KLF12: variants seen among roughly 807,000 people sequenced by gnomAD.
KLF12 encodes the protein Krueppel-like factor 12.
Under a neutral mutation model 37.8 loss-of-function variants are expected in KLF12, and 9 were observed. That is an observed-to-expected ratio of 0.24 (90% CI 0.14 to 0.42). The LOEUF is 0.42. Ranked by LOEUF, KLF12 falls within the 10% of genes least tolerant of loss-of-function variation. The pLI is 1.00. For synonymous variants in KLF12, 208 were observed against 202.1 expected (o/e 1.03, Z -0.25); for missense variants, 411 against 516.0 (o/e 0.80, Z 1.97).
the KLF12 span, among the ~76,000 whole-genome samples, chr13:74,146,687 T>C: frequency 6.6e-6 from 1 of 152,248 alleles, no homozygotes; most frequent in Admixed American, 6.5e-5. Context: ...TTCTATCAGT[T>C]GTTGCATTTT....
chr13:74,237,746 C>CTGT, the KLF12 span, among the ~76,000 whole-genome samples: 2 of 152,066 alleles, frequency 1.3e-5, no homozygotes, highest in Non-Finnish European at 2.9e-5. Flanking sequence ...CTCTGTTTGT[C>CTGT]TGTTGGTGTA....
intron 1 of KLF12, among the ~76,000 whole-genome samples, chr13:74,116,281 G>C (rs1877299595): frequency 6.6e-6 from 1 of 151,918 alleles, no homozygotes. Flanking sequence ...TTGCTCCTAG[G>C]GAAAAAAGGC....
At chr13:74,220,576 G>A in the KLF12 span, among the ~76,000 whole-genome samples, 1 of 152,152 alleles carries the variant, frequency 6.6e-6, no homozygotes, top group African/African-American at 2.4e-5. Flanking sequence ...CAAATGTACA[G>A]TATAATGTTG....
At chr13:73,940,054 G>A (rs1038102298) in intron 3 of KLF12, among the ~76,000 whole-genome samples, 4 of 152,064 alleles carry the variant, frequency 2.6e-5, no homozygotes, top group Non-Finnish European at 5.9e-5. Context: ...TGAACTGCAG[G>A]GCCAGGAATA....
At chr13:74,091,889 T>C (rs1254776981) in intron 1 of KLF12, among the ~76,000 whole-genome samples, 1 of 151,936 alleles carries the variant, frequency 6.6e-6, no homozygotes, top group Non-Finnish European at 1.5e-5. Flanking sequence ...ATGTTGATAA[T>C]GAAGGAGGTT....
chr13:73,979,352 TA>T (rs1891628139), intron 2 of KLF12, among the ~76,000 whole-genome samples: 5 of 78,582 alleles, frequency 6.4e-5, no homozygotes, highest in Non-Finnish European at 9.7e-5. Flanking sequence ...AGTCTGCTTT[TA>T]AACACACACA....
At chr13:74,051,269 G>A (rs542234700) in intron 1 of KLF12, among the ~76,000 whole-genome samples, 1 of 151,420 alleles carries the variant, frequency 6.6e-6, no homozygotes, top group African/African-American at 2.4e-5. Flanking sequence ...CACAATATTT[G>A]TAACCAAGCT....
intron 5 of KLF12, among the ~76,000 whole-genome samples, chr13:73,790,656 T>G (rs1021352121): frequency 6.6e-6 from 1 of 152,230 alleles, no homozygotes. Context: ...TAGAAAGCAT[T>G]TTCTTAGAAA....
intron 1 of KLF12, among the ~76,000 whole-genome samples, chr13:74,014,257 A>G (rs1892627243): frequency 6.6e-6 from 1 of 152,228 alleles, no homozygotes; most frequent in South Asian, 2.1e-4. Flanking sequence ...CCCAGTGGAT[A>G]GAGGACACCC....
At chr13:73,936,153 T>C (rs1488100168) in intron 3 of KLF12, among the ~76,000 whole-genome samples, 1 of 152,240 alleles carries the variant, frequency 6.6e-6, no homozygotes, top group Non-Finnish European at 1.5e-5. Flanking sequence ...TGCTTCTTTG[T>C]ACATCTGGTA....
chr13:73,971,922 A>T (rs1458250066), intron 2 of KLF12, among the ~76,000 whole-genome samples: 4 of 152,194 alleles, frequency 2.6e-5, no homozygotes, highest in Non-Finnish European at 4.4e-5. Flanking sequence ...CTCATAAGGT[A>T]AGGGCTTTAA....
chr13:74,073,508 C>T (rs1190450343), intron 1 of KLF12, among the ~76,000 whole-genome samples: 2 of 152,136 alleles, frequency 1.3e-5, no homozygotes, highest in Admixed American at 1.3e-4. Flanking sequence ...ATGCTTGTTT[C>T]TTTGAGTTCA....
intron 1 of KLF12, among the ~76,000 whole-genome samples, chr13:74,030,370 A>G (rs1337156301): frequency 1.3e-5 from 2 of 152,122 alleles, no homozygotes; most frequent in East Asian, 3.8e-4. Flanking sequence ...GTTACACGTT[A>G]TTGCCTCTCT....
chr13:73,791,177 T>A (rs9565041), intron 5 of KLF12, among the ~76,000 whole-genome samples: 1 of 152,178 alleles, frequency 6.6e-6, no homozygotes, highest in African/African-American at 2.4e-5. Context: ...TTAAAGTATA[T>A]GTAATTCATA....
chr13:74,195,088 G>A, the KLF12 span, among the ~76,000 whole-genome samples: 1 of 152,106 alleles, frequency 6.6e-6, no homozygotes, highest in African/African-American at 2.4e-5. Context: ...TGGTCCTTTG[G>A]CCAGCTACAA....
intron 1 of KLF12, among the ~76,000 whole-genome samples, chr13:74,038,491 G>A (rs764897457): frequency 1.3e-5 from 2 of 152,072 alleles, no homozygotes; most frequent in Non-Finnish European, 1.5e-5. Flanking sequence ...GGAAGAGAAG[G>A]TACAATCGTA....
At chr13:74,146,633 T>A in the KLF12 span, among the ~76,000 whole-genome samples, 7 of 152,258 alleles carry the variant, frequency 4.6e-5, no homozygotes, top group East Asian at 1.3e-3. Flanking sequence ...AAAAAACTAA[T>A]GCTGCTTTAC....
the KLF12 span, among the ~76,000 whole-genome samples, chr13:74,171,548 C>T: frequency 2.0e-5 from 3 of 152,166 alleles, no homozygotes; most frequent in Admixed American, 6.5e-5. Flanking sequence ...AGCTGCCACC[C>T]GGTTCTCCCT....
intron 6 of KLF12, among the ~76,000 whole-genome samples, chr13:73,740,775 G>A (rs112494662): frequency 0.019 from 2,823 of 152,292 alleles, 70 homozygotes; most frequent in African/African-American, 0.061. Flanking sequence ...TAGGAGTCCT[G>A]CGGGGAAAGC....
Sources: gnomAD v4.1 joint callset for allele counts (sites outside exome capture counted in the v4.1 genomes callset) on GRCh38, gnomAD v4.1.1 for gene constraint, MANE v1.5 for transcripts, NCBI Gene and HGNC (gene_info 2026-07-23, HGNC 2026-07-21) for gene names.